The following PTPRT variants were observed in gnomAD, a reference collection of about 807,000 sequenced individuals.
PTPRT encodes protein tyrosine phosphatase receptor type T, also known as receptor-type tyrosine-protein phosphatase T.
Under a neutral mutation model 176.8 loss-of-function variants are expected in PTPRT, and 56 were observed. The ratio of observed to expected loss-of-function variants is 0.32; its 90% CI spans 0.26 to 0.40. PTPRT has a LOEUF of 0.40. Among genes scored for constraint, PTPRT ranks in the 10% least tolerant of loss-of-function variants. PTPRT has a pLI of 1.00. For synonymous variants in PTPRT, 783 were observed against 739.0 expected (o/e 1.06, Z -0.96); for missense variants, 1,540 against 1,908.2 (o/e 0.81, Z 3.60).
chr20:42,406,364 A>G (rs1324440724), intron 9 of PTPRT, among the ~76,000 whole-genome samples: 1 of 152,100 alleles, frequency 6.6e-6, no homozygotes, highest in Non-Finnish European at 1.5e-5. Flanking sequence ...TAAATAGACA[A>G]GATATTAAAT....
intron 1 of PTPRT, among the ~76,000 whole-genome samples, chr20:43,102,594 C>T (rs1285450259): frequency 1.3e-5 from 2 of 152,216 alleles, no homozygotes; most frequent in Admixed American, 6.5e-5. Flanking sequence ...CCACCAGGGG[C>T]GACCTGCATC....
chr20:42,986,635 A>C (rs1386943667), intron 1 of PTPRT, among the ~76,000 whole-genome samples: 2 of 152,212 alleles, frequency 1.3e-5, no homozygotes, highest in African/African-American at 4.8e-5. Flanking sequence ...GTGACAAAGA[A>C]AGCGACAGTA....
At chr20:42,752,973 T>C (rs1392069872) in intron 6 of PTPRT, among the ~76,000 whole-genome samples, 2 of 152,142 alleles carry the variant, frequency 1.3e-5, no homozygotes, top group Non-Finnish European at 2.9e-5. Flanking sequence ...AGCAGTGTGT[T>C]TGGGGTCGGG....
At chr20:42,719,238 A>G (rs2076271068) in intron 6 of PTPRT, among the ~76,000 whole-genome samples, 1 of 152,194 alleles carries the variant, frequency 6.6e-6, no homozygotes, top group Admixed American at 6.5e-5. Context: ...GGGAGTCATC[A>G]GCCTCCCTGG....
intron 1 of PTPRT, among the ~76,000 whole-genome samples, chr20:43,064,063 A>T (rs1266850521): frequency 6.6e-6 from 1 of 152,190 alleles, no homozygotes; most frequent in Admixed American, 6.5e-5. Context: ...TCTATGGCAC[A>T]GACTACTACC....
At chr20:42,411,136 C>T (rs2059011507) in intron 9 of PTPRT, among the ~76,000 whole-genome samples, 1 of 152,034 alleles carries the variant, frequency 6.6e-6, no homozygotes, top group African/African-American at 2.4e-5. Context: ...ATGGTAAAAT[C>T]AAAAGCTGAT....
At chr20:42,322,183 C>T (rs1013909644) in intron 11 of PTPRT, among the ~76,000 whole-genome samples, 2 of 151,812 alleles carry the variant, frequency 1.3e-5, no homozygotes, top group Non-Finnish European at 1.5e-5. Flanking sequence ...GGCCATACTG[C>T]CCAAGGTAAT....
At chr20:42,197,862 C>T (rs1279850206) in intron 16 of PTPRT, among the ~76,000 whole-genome samples, 3 of 152,164 alleles carry the variant, frequency 2.0e-5, no homozygotes, top group Non-Finnish European at 4.4e-5. Context: ...GTCTTCTCAA[C>T]ATTTTTGTAG....
intron 6 of PTPRT, among the ~76,000 whole-genome samples, chr20:42,755,492 TA>T (rs1239690471): frequency 6.6e-6 from 1 of 152,038 alleles, no homozygotes; most frequent in Non-Finnish European, 1.5e-5. Context: ...TATGCTATAT[TA>T]AAATTTTAAT....
At chr20:43,030,979 A>T (rs1986117009) in intron 1 of PTPRT, among the ~76,000 whole-genome samples, 1 of 152,218 alleles carries the variant, frequency 6.6e-6, no homozygotes, top group Non-Finnish European at 1.5e-5. Context: ...GGAGTGAAGG[A>T]TGCAGGATGG....
intron 1 of PTPRT, among the ~76,000 whole-genome samples, chr20:43,061,479 G>T (rs78736707): frequency 0.014 from 2,169 of 152,180 alleles, 56 homozygotes; most frequent in African/African-American, 0.049. Context: ...AATCTCCTTG[G>T]ACCGTGAGCC....
intron 27 of PTPRT, among the ~76,000 whole-genome samples, chr20:42,095,736 A>G (rs566712623): frequency 1.3e-4 from 20 of 152,342 alleles, no homozygotes; most frequent in Non-Finnish European, 2.4e-4. Flanking sequence ...GAGAAGTTGC[A>G]TGAGAGATGG....
At chr20:42,576,850 T>A (rs2073270297) in intron 7 of PTPRT, among the ~76,000 whole-genome samples, 1 of 152,184 alleles carries the variant, frequency 6.6e-6, no homozygotes. Flanking sequence ...TCCCCTGAGC[T>A]CCCAAGGGGT....
chr20:42,467,962 A>C (rs1004470423), intron 8 of PTPRT, among the ~76,000 whole-genome samples: 1 of 152,184 alleles, frequency 6.6e-6, no homozygotes, highest in African/African-American at 2.4e-5. Context: ...GCCAAGCAAA[A>C]CCATCAACAT....
chr20:42,976,410 T>TA (rs932356775), intron 1 of PTPRT, among the ~76,000 whole-genome samples: 2 of 151,744 alleles, frequency 1.3e-5, no homozygotes, highest in African/African-American at 2.4e-5. Flanking sequence ...TTTATTTATT[T>TA]TTTTTTTTTT....
intron 18 of PTPRT, among the ~76,000 whole-genome samples, chr20:42,133,630 A>C (rs1242700323): frequency 6.6e-6 from 1 of 152,214 alleles, no homozygotes; most frequent in Admixed American, 6.5e-5. Context: ...GTCATTGTAC[A>C]TTTGTCAAAT....
At position 42,128,788 on chromosome 20, in the gene PTPRT, G is replaced by A. The variant is rs763638227; in HGVS notation, c.2813C>T (p.Pro938Leu). ...RVRLLVLDGD[P>L]HSDYINANYI... ...GTTGGCATTGATGTAGTCAGAGTGC[G>A]GGTCTCCATCCAGCACCAGCAGCCT... Residue 938 changes from proline to leucine, a missense_variant, in exon 19 of 31, where the codon CCG (proline) becomes CTG (leucine). This residue lies in a region of PTPRT where 248 missense variants were observed against 356.7 expected (regional missense o/e 0.70). Transcript: ENST00000373187. 1.7e-5 allele frequency: 27 copies of A among 1,606,352 alleles called. No individual in the cohort carries two copies. Among genetic ancestry groups the A allele is most frequent in the East Asian group, 1.4e-4 (6 of 44,414 alleles).
At chr20:42,123,897 C>T (rs534862584) in intron 19 of PTPRT, among the ~76,000 whole-genome samples, 1 of 152,208 alleles carries the variant, frequency 6.6e-6, no homozygotes, top group South Asian at 2.1e-4. Flanking sequence ...ACTATTCTTT[C>T]TTCATTTACA....
chr20:42,265,766 G>C (rs572389099), intron 13 of PTPRT, among the ~76,000 whole-genome samples: 1 of 152,292 alleles, frequency 6.6e-6, no homozygotes, highest in Admixed American at 6.5e-5. Context: ...ACAGGGCCCA[G>C]GGCATGACCC....
Sources: allele counts gnomAD v4.1 joint callset (sites outside exome capture counted in the v4.1 genomes callset), GRCh38; gene constraint gnomAD v4.1.1; regional missense constraint gnomAD v4.1.1; transcripts MANE v1.5; gene names NCBI Gene and HGNC (gene_info 2026-07-23, HGNC 2026-07-21).